Variants in TRIO observed in about 807,000 individuals in gnomAD.
TRIO encodes triple functional domain protein.
TRIO carries 58 observed loss-of-function variants against 351.9 expected under a neutral mutation model. The ratio of observed to expected loss-of-function variants is 0.16; its 90% CI spans 0.13 to 0.21. TRIO has a LOEUF of 0.21. Ranked by LOEUF, TRIO falls within the 10% of genes least tolerant of loss-of-function variation. The pLI, the probability that TRIO is intolerant of heterozygous loss-of-function variation, is 1.00. For missense variants in TRIO, 3,201 were observed against 4,027.8 expected (o/e 0.79, Z 5.56); for synonymous variants, 1,758 against 1,595.7 (o/e 1.10, Z -2.42).
At chr5:14,238,472 C>T (rs1324053728) in intron 1 of TRIO, among the ~76,000 whole-genome samples, 1 of 152,228 alleles carries the variant, frequency 6.6e-6, no homozygotes, top group African/African-American at 2.4e-5. Flanking sequence ...TCCACCAGCC[C>T]ATGTGGGCCC....
rs1364358052 is a variant in TRIO at position 14,143,821 on chromosome 5, C to A, written c.96C>A (p.Ala32=). The A allele has an allele frequency of 9.4e-7, 1 of 1,063,284 alleles. No individual in the cohort carries two copies. The highest frequency in any genetic ancestry group is 5.5e-5 in the Admixed American group (1 of 18,238). The allele number at this position is 1,063,284 out of a possible 1,614,324, so 65.9% of individuals were successfully genotyped here. A position where few individuals can be genotyped will look rare whatever the true frequency, so the allele number is the denominator to read the frequency against. ...CTGGCTCGGGCTGCGGGGGCGGTGC[C>A]GGCGAGGGGGCAGAGGAGGCGGCCA... ...SAAGSGCGGG[A]GEGAEEAAKD... is the part of the protein sequence containing the mutation. Residue 32 remains alanine (A), a synonymous_variant, in exon 1 of 57, where the codon GCC becomes GCA. Coordinates refer to ENST00000344204, the MANE Select transcript of TRIO (RefSeq NM_007118.4).
chr5:14,429,745 C>T (rs755445554), intron 34 of TRIO, among the ~76,000 whole-genome samples: 16 of 152,222 alleles, frequency 1.1e-4, no homozygotes, highest in Non-Finnish European at 1.8e-4. Flanking sequence ...GTTCCCACAA[C>T]CCCACGTGCC....
chr5:14,387,997 T>G lies in TRIO; in HGVS notation c.3881+150T>G, dbSNP rs1249621294. The G allele has an allele frequency of 5.7e-6, 4 of 700,230 alleles. No individual in the cohort carries two copies. In the East Asian group the frequency reaches 1.1e-4, roughly 19 times the overall value. The allele number at this position is 700,230 out of a possible 1,614,324, so 43.4% of individuals were successfully genotyped here. ...GGACTTAGTTGTGTCAGCACAGACT[T>G]CGCTGCGTTCACTGTCCTCTTATCA... On this transcript the variant is annotated intron_variant, in intron 23 of 56. Transcript: ENST00000344204.
At chr5:14,446,824 G>T (rs1752477026) in intron 34 of TRIO, among the ~76,000 whole-genome samples, 1 of 152,098 alleles carries the variant, frequency 6.6e-6, no homozygotes, top group Non-Finnish European at 1.5e-5. Context: ...TTTGCTTTGT[G>T]GTTTATTGGG....
rs1737046610 is a variant in TRIO, at chr5:14,293,080, C to T, written c.1122C>T (p.His374=). The change falls in exon 6 of 57, where the codon CAC becomes CAT. Residue 374 remains histidine (H), a synonymous_variant. Transcript: ENST00000344204. The part of the protein sequence containing the change: ...LNSYTEIGTS[H]PHAMELQTQH... Reference sequence around the variant, plus strand: ...GCTACACAGAGATTGGGACCAGCCACCCTCATGCCATGGAGCTTCAGACGC... The same window carrying T: ...GCTACACAGAGATTGGGACCAGCCATCCTCATGCCATGGAGCTTCAGACGC... 6.2e-7 allele frequency: 1 copy of T among 1,614,180 alleles called. No individual in the cohort carries two copies. Among genetic ancestry groups the T allele is most frequent in the South Asian group, 1.1e-5 (1 of 91,078 alleles).
rs1746585070 is a variant in TRIO at position 14,386,824 on chromosome 5, C to T, written c.3571-614C>T. On this transcript the variant is annotated intron_variant, in intron 21 of 56. Transcript: ENST00000344204. ...TAGAGAGAGCTCTCAAACAGGGAAA[C>T]AAAATTTACAGTACCTCTATATAGA... Among the ~76,000 whole-genome samples the T allele has an allele frequency of 2.0e-5, 3 of 151,826 alleles. No individual in the cohort carries two copies. The South Asian group carries it at 6.2e-4, about 31-fold the overall frequency.
At chr5:14,203,646 G>A (rs71614078) in intron 1 of TRIO, among the ~76,000 whole-genome samples, 3 of 152,178 alleles carry the variant, frequency 2.0e-5, no homozygotes, top group African/African-American at 4.8e-5. Context: ...GTAATTGTCC[G>A]GTGTGGCGTT....
intron 1 of TRIO, among the ~76,000 whole-genome samples, chr5:14,226,379 T>A (rs1281293283): frequency 6.6e-6 from 1 of 152,092 alleles, no homozygotes; most frequent in Non-Finnish European, 1.5e-5. Context: ...CTTGTGGAGG[T>A]TGAAAACCAG....
chr5:14,348,240 C>T (rs1426107005), intron 11 of TRIO, among the ~76,000 whole-genome samples: 1 of 152,128 alleles, frequency 6.6e-6, no homozygotes, highest in Non-Finnish European at 1.5e-5. Flanking sequence ...AGGATATATT[C>T]CAGAATGATC....
intron 1 of TRIO, among the ~76,000 whole-genome samples, chr5:14,160,155 T>C (rs941933098): frequency 5.9e-5 from 9 of 152,226 alleles, no homozygotes; most frequent in Non-Finnish European, 1.0e-4. Flanking sequence ...TTGTTCTTTG[T>C]GGTGTTTTGA....
At position 14,336,732 on chromosome 5, in the gene TRIO, G is replaced by C. The variant is rs1741451097; in HGVS notation, c.2046+5G>C. On this transcript the variant is annotated splice_donor_5th_base_variant and intron_variant, in intron 11 of 56. Transcript: ENST00000344204. ...TTTCACACCCATGTGAAAGAGGTAAGGTGCCAGGAGACCAAAATATGATCT... is the reference window on the plus strand; with the variant it reads ...TTTCACACCCATGTGAAAGAGGTAACGTGCCAGGAGACCAAAATATGATCT... The C allele has an allele frequency of 3.7e-6, 6 of 1,613,910 alleles. No homozygotes were observed. The highest frequency in any genetic ancestry group is 5.1e-6 in the Non-Finnish European group (6 of 1,179,934).
At chr5:14,304,231 A>C (rs984421939) in intron 7 of TRIO, among the ~76,000 whole-genome samples, 1 of 152,200 alleles carries the variant, frequency 6.6e-6, no homozygotes, top group African/African-American at 2.4e-5. Flanking sequence ...TGAGGCATTC[A>C]TCTGAAATGT....
intron 12 of TRIO, among the ~76,000 whole-genome samples, 171 bp downstream of exon 12, chr5:14,358,518 C>T (rs1318709567): frequency 7.2e-6 from 1 of 139,048 alleles, no homozygotes; most frequent in African/African-American, 2.8e-5. Context: ...CTCTCTTTTC[C>T]TTTCCCCTCC....
At chr5:14,316,946 A>C (rs1271659709) in intron 9 of TRIO, among the ~76,000 whole-genome samples, 4 of 152,168 alleles carry the variant, frequency 2.6e-5, no homozygotes, top group African/African-American at 4.8e-5. Flanking sequence ...TGTGCACAGA[A>C]CCCAGGAGAG....
In TRIO at chr5:14,431,031, T is replaced by A. The variant is rs1751075440; in HGVS notation, c.5203+11010T>A. Among the ~76,000 whole-genome samples the A allele has an allele frequency of 2.6e-5, 4 of 152,140 alleles. No homozygotes were observed. The South Asian group carries it at 8.3e-4, about 32-fold the overall frequency. On this transcript the variant is annotated intron_variant, in intron 34 of 56. Coordinates refer to ENST00000344204, the MANE Select transcript of TRIO (RefSeq NM_007118.4). ...CTGGCCTGAATTTTGAATAAGACAG[T>A]TTTTAAAGCTCTCCCAAATCTAACT... is the stretch of plus-strand genomic sequence containing the variant.
chr5:14,218,066 G>A (rs1240169798), intron 1 of TRIO, among the ~76,000 whole-genome samples: 3 of 152,110 alleles, frequency 2.0e-5, no homozygotes, highest in African/African-American at 7.2e-5. Flanking sequence ...TGTGTGTGTT[G>A]GGGGGAGAGT....
At chr5:14,417,195 A>C (rs946996381) in intron 33 of TRIO, among the ~76,000 whole-genome samples, 6 of 152,196 alleles carry the variant, frequency 3.9e-5, no homozygotes, top group Non-Finnish European at 7.3e-5. Context: ...GAGACCTGAA[A>C]AATTTAACAT....
At chr5:14,210,602 TTTG>T (rs200233489) in intron 1 of TRIO, among the ~76,000 whole-genome samples, 4,682 of 151,936 alleles carry the variant, frequency 0.031, 108 homozygotes, top group South Asian at 0.053. Flanking sequence ...AAAGTGTTTT[TTTG>T]TTGTTGTTGT....
At chr5:14,382,828 G>A (rs186741937) in intron 21 of TRIO, among the ~76,000 whole-genome samples, 2 of 150,176 alleles carry the variant, frequency 1.3e-5, no homozygotes, top group African/African-American at 4.9e-5. Flanking sequence ...CACATTATAT[G>A]ATCTGTATTT....
Sources: allele counts gnomAD v4.1 joint callset (sites outside exome capture counted in the v4.1 genomes callset), GRCh38; gene constraint gnomAD v4.1.1; transcripts MANE v1.5; gene names NCBI Gene and HGNC (gene_info 2026-07-23, HGNC 2026-07-21).